Variants in PHF24 observed in about 807,000 individuals in gnomAD.
PHF24 encodes the protein PHD finger protein 24.
In PHF24, 25 loss-of-function variants were observed where a neutral mutation model predicts 42.6. The ratio of observed to expected loss-of-function variants is 0.59; its 90% CI spans 0.43 to 0.82. The LOEUF is 0.82. Ranked by LOEUF, PHF24 falls within the 40% of genes least tolerant of loss-of-function variation. The pLI, the probability that PHF24 is intolerant of heterozygous loss-of-function variation, is 0.00. For missense variants in PHF24, 470 were observed against 538.1 expected (o/e 0.87, Z 1.25); for synonymous variants, 185 against 204.8 (o/e 0.90, Z 0.83).
intron 1 of PHF24, among the ~76,000 whole-genome samples, chr9:34,966,273 G>A (rs1157193723): frequency 6.6e-6 from 1 of 152,100 alleles, no homozygotes; most frequent in African/African-American, 2.4e-5. Context: ...GAGAATCATT[G>A]CTCTGGTTGT....
At chr9:34,977,950 C>G (rs1313000325) in intron 7 of PHF24, 65 bp from the exon 8 acceptor site, 10 of 1,270,434 alleles carry the variant, frequency 7.9e-6, no homozygotes, top group African/African-American at 1.5e-5. Context: ...CCATGCTGCC[C>G]CTGGGATCAG....
At chr9:34,700,983 T>A in the PHF24 span, among the ~76,000 whole-genome samples, 1 of 152,092 alleles carries the variant, frequency 6.6e-6, no homozygotes, top group Admixed American at 6.5e-5. Context: ...TTTGAAACAG[T>A]TTCTGACCAC....
At chr9:34,725,736 A>T in the PHF24 span, 4 of 1,548,722 alleles carry the variant, frequency 2.6e-6, no homozygotes, top group Non-Finnish European at 3.5e-6. Context: ...TGATGGTCAG[A>T]TGGAGACATC....
At chr9:34,684,336 C>T in the PHF24 span, among the ~76,000 whole-genome samples, 17 of 152,144 alleles carry the variant, frequency 1.1e-4, no homozygotes, top group Non-Finnish European at 2.1e-4. Flanking sequence ...GTGATGGCAG[C>T]GCTGAGACTA....
the PHF24 span, among the ~76,000 whole-genome samples, chr9:34,841,034 C>T: frequency 6.6e-6 from 1 of 151,820 alleles, no homozygotes; most frequent in Non-Finnish European, 1.5e-5. Flanking sequence ...GAGTCTCGCT[C>T]TGTCCCCCAG....
At chr9:34,842,076 G>T in the PHF24 span, among the ~76,000 whole-genome samples, 1 of 151,980 alleles carries the variant, frequency 6.6e-6, no homozygotes, top group Non-Finnish European at 1.5e-5. Context: ...TTATATAAAC[G>T]TAATCATGCA....
the PHF24 span, chr9:34,917,179 C>T: frequency 7.0e-7 from 1 of 1,425,424 alleles, no homozygotes; most frequent in Non-Finnish European, 9.9e-7. Context: ...TCCACCATGA[C>T]CACCTCAGCA....
the PHF24 span, among the ~76,000 whole-genome samples, chr9:34,773,388 G>A: frequency 2.6e-5 from 4 of 151,902 alleles, no homozygotes; most frequent in South Asian, 6.2e-4. Flanking sequence ...TGCAAGATGA[G>A]CTTGAAGCAT....
At chr9:34,703,610 G>C in the PHF24 span, among the ~76,000 whole-genome samples, 937 of 151,970 alleles carry the variant, frequency 6.2e-3, 10 homozygotes, top group African/African-American at 0.02. Context: ...GAAGGGAGGG[G>C]TTCTTAAGAA....
chr9:34,813,034 G>A, the PHF24 span, among the ~76,000 whole-genome samples: 1 of 152,308 alleles, frequency 6.6e-6, no homozygotes, highest in Non-Finnish European at 1.5e-5. Context: ...GCCAGTGAAA[G>A]CACATAAAGA....
the PHF24 span, among the ~76,000 whole-genome samples, chr9:34,840,414 CCTT>C: frequency 1.3e-5 from 2 of 151,596 alleles, no homozygotes; most frequent in Admixed American, 1.3e-4. Context: ...TAATTTCCCT[CCTT>C]CTCCTCCTCC....
chr9:34,892,624 A>G, the PHF24 span: 1 of 443,064 alleles, frequency 2.3e-6, no homozygotes, highest in East Asian at 3.3e-5. Context: ...GGGTTCAGGG[A>G]AAGAAAGGGA....
chr9:34,736,159 G>A, the PHF24 span, among the ~76,000 whole-genome samples: 1 of 151,964 alleles, frequency 6.6e-6, no homozygotes, highest in Non-Finnish European at 1.5e-5. Flanking sequence ...AGTGAAAAAA[G>A]CAAAACAATA....
chr9:34,830,408 T>C, the PHF24 span, among the ~76,000 whole-genome samples: 1 of 152,340 alleles, frequency 6.6e-6, no homozygotes, highest in Non-Finnish European at 1.5e-5. Flanking sequence ...ACCTATTGAG[T>C]GGAGCAAGCA....
At chr9:34,896,212 C>CA in the PHF24 span, among the ~76,000 whole-genome samples, 2 of 151,994 alleles carry the variant, frequency 1.3e-5, no homozygotes, top group African/African-American at 4.8e-5. Flanking sequence ...ACAACAACAA[C>CA]AAAAAATAGA....
At chr9:34,971,422 G>C in exon 2 of PHF24, 1 of 1,614,186 alleles carries the variant, frequency 6.2e-7, no homozygotes, top group Non-Finnish European at 8.5e-7. Context: ...TGAGCTGCCA[G>C]GGTCCCGCCG....
the PHF24 span, among the ~76,000 whole-genome samples, chr9:34,853,297 T>C: frequency 1.3e-5 from 2 of 152,240 alleles, no homozygotes; most frequent in Non-Finnish European, 2.9e-5. Flanking sequence ...TGACCTTGCA[T>C]CCTGGGGATG....
chr9:34,971,536 G>C (rs750087334), exon 2 of PHF24: 1 of 1,614,198 alleles, frequency 6.2e-7, no homozygotes. Flanking sequence ...CGCAGCCTGG[G>C]AGCGGCTCCG....
the PHF24 span, among the ~76,000 whole-genome samples, chr9:34,808,119 G>A: frequency 2.0e-5 from 3 of 152,136 alleles, no homozygotes; most frequent in Non-Finnish European, 2.9e-5. Context: ...TAAGGGCTCC[G>A]GATTCAGAAT....
Sources: gnomAD v4.1 joint callset for allele counts (sites outside exome capture counted in the v4.1 genomes callset) on GRCh38, gnomAD v4.1.1 for gene constraint, MANE v1.5 for transcripts, NCBI Gene and HGNC (gene_info 2026-07-23, HGNC 2026-07-21) for gene names.